HPCAL1: variants seen among roughly 807,000 people sequenced by gnomAD.
The protein encoded by HPCAL1 is hippocalcin like 1, also known as hippocalcin-like protein 1.
HPCAL1 carries 8 observed loss-of-function variants against 17.1 expected under a neutral mutation model. The ratio of observed to expected loss-of-function variants is 0.47; its 90% CI spans 0.27 to 0.84. The LOEUF (loss-of-function observed/expected upper bound fraction) is 0.84. Among genes scored for constraint, HPCAL1 ranks in the 40% least tolerant of loss-of-function variants. The probability of loss-of-function intolerance (pLI) is 0.13; values close to 1 mark genes in which losing one functional copy is unlikely to be tolerated. For missense variants in HPCAL1, 165 were observed against 271.1 expected, an observed-to-expected ratio of 0.61 and a Z score of 2.75; for synonymous variants, 112 against 111.4, an observed-to-expected ratio of 1.01 and a Z score of -0.03.
chr2:10,353,921 G>A (rs1314069897), intron 1 of HPCAL1, among the ~76,000 whole-genome samples: 1 of 152,190 alleles, frequency 6.6e-6, no homozygotes, highest in Non-Finnish European at 1.5e-5. Context: ...GTGTCCGGCT[G>A]CCCTCATGCA....
chr2:10,333,818 AT>A (rs1454541686), intron 1 of HPCAL1, among the ~76,000 whole-genome samples: 3 of 152,204 alleles, frequency 2.0e-5, no homozygotes, highest in Non-Finnish European at 2.9e-5. Flanking sequence ...AGAAGTGTGC[AT>A]AAAGTCTAGA....
chr2:10,416,069 G>T (rs895634470), intron 2 of HPCAL1, among the ~76,000 whole-genome samples: 1 of 152,196 alleles, frequency 6.6e-6, no homozygotes, highest in Admixed American at 6.5e-5. Flanking sequence ...ACGCAAGGCT[G>T]GTCCTTCACA....
intron 1 of HPCAL1, among the ~76,000 whole-genome samples, chr2:10,349,533 C>T (rs1028156134): frequency 1.3e-5 from 2 of 151,336 alleles, no homozygotes; most frequent in African/African-American, 4.9e-5. Context: ...GAAACCCTGT[C>T]TCTACTAAAT....
intron 1 of HPCAL1, among the ~76,000 whole-genome samples, chr2:10,341,602 A>G (rs1382142971): frequency 6.6e-6 from 1 of 152,104 alleles, no homozygotes; most frequent in African/African-American, 2.4e-5. Flanking sequence ...CCTCAACACA[A>G]GAAAGCTGCT....
intron 1 of HPCAL1, among the ~76,000 whole-genome samples, chr2:10,336,327 A>G (rs61522547): frequency 0.06 from 9,073 of 152,266 alleles, 745 homozygotes; most frequent in African/African-American, 0.18. Context: ...TTTTCACTCT[A>G]GAGACTAATC....
rs945490864 is a variant in HPCAL1 at position 10,365,943 on chromosome 2, C to A, written c.-110-30892C>A. ...ATACGTGATATAGACCAGGGATGCA[C>A]GCCTCATGAGGAGACGCTCACTCCC... On this transcript the variant is annotated intron_variant, in intron 1 of 4. Coordinates refer to ENST00000307845, the MANE Select transcript of HPCAL1 (RefSeq NM_002149.4). This position sits in a 1 kb window ranked among gnomAD's most constrained non-coding sequence, Gnocchi z 4.8. 9.2e-5 allele frequency among the ~76,000 whole-genome samples: 14 copies of A among 152,316 alleles called. No individual in the cohort carries two copies. Among genetic ancestry groups the A allele is most frequent in the Middle Eastern group, 6.8e-3 (2 of 294 alleles).
At chr2:10,364,794 AGGCTGGTCT>A (rs1472453776) in intron 1 of HPCAL1, among the ~76,000 whole-genome samples, 1 of 152,138 alleles carries the variant, frequency 6.6e-6, no homozygotes, top group Non-Finnish European at 1.5e-5. Flanking sequence ...CATGTTGCCC[AGGCTGGTCT>A]TGAACTCCTG....
intron 2 of HPCAL1, among the ~76,000 whole-genome samples, chr2:10,412,375 G>T (rs1670410590): frequency 1.3e-5 from 2 of 152,228 alleles, no homozygotes. Context: ...GCAGGCTGTG[G>T]TTCAGATGAG....
rs1234482711 is a variant in HPCAL1, at chr2:10,342,556, C to T, written c.-111+39379C>T. ...GGAGCGGGGCTTGTGCTGGACTTTG[C>T]AGGATGCCAGACTTTTGGCAGGGGA... On this transcript the variant is annotated intron_variant, in intron 1 of 4. Transcript: ENST00000307845. The surrounding 1 kb of genome is among the most constrained non-coding windows in gnomAD (Gnocchi z 4.1). 6.6e-6 allele frequency among the ~76,000 whole-genome samples: 1 copy of T among 152,206 alleles called. No homozygotes were observed. The highest frequency in any genetic ancestry group is 2.4e-5 in the African/African-American group (1 of 41,468).
chr2:10,346,204 G>C (rs567261806), intron 1 of HPCAL1, among the ~76,000 whole-genome samples: 9 of 151,464 alleles, frequency 5.9e-5, no homozygotes, highest in African/African-American at 1.7e-4. Context: ...CCTTCTTTGA[G>C]GGGGGGTGAC....
At chr2:10,348,535 G>C (rs139694290) in intron 1 of HPCAL1, among the ~76,000 whole-genome samples, 56 of 152,152 alleles carry the variant, frequency 3.7e-4, no homozygotes, top group South Asian at 2.9e-3. Flanking sequence ...AGACCAAGGT[G>C]GGGGGATCGC....
chr2:10,407,627 G>A (rs938166786), intron 2 of HPCAL1, among the ~76,000 whole-genome samples: 4 of 152,194 alleles, frequency 2.6e-5, no homozygotes, highest in African/African-American at 9.7e-5. Context: ...AGAGGGTGAG[G>A]GTGGATGCTC....
At chr2:10,306,991 C>T (rs1001027511) in intron 1 of HPCAL1, among the ~76,000 whole-genome samples, 8 of 152,158 alleles carry the variant, frequency 5.3e-5, no homozygotes, top group African/African-American at 1.7e-4. Context: ...GCAAGTGCAC[C>T]CTGAATGCTT....
chr2:10,389,813 G>A (rs1044851991), intron 1 of HPCAL1, among the ~76,000 whole-genome samples: 1 of 152,210 alleles, frequency 6.6e-6, no homozygotes, highest in Admixed American at 6.5e-5. Context: ...AGTTTCCAGG[G>A]TGGGGCTGGG....
At chr2:10,425,136 C>T (rs750079191) in intron 4 of HPCAL1, 14 of 157,412 alleles carry the variant, frequency 8.9e-5, no homozygotes, top group African/African-American at 1.9e-4. Context: ...TGCTCTCTCT[C>T]GGCCTGAGAC....
At chr2:10,307,549 C>T (rs190136439) in intron 1 of HPCAL1, among the ~76,000 whole-genome samples, 32 of 152,296 alleles carry the variant, frequency 2.1e-4, no homozygotes, top group African/African-American at 7.0e-4. Context: ...AAAACAGAGC[C>T]GAGGACACAT....
At chr2:10,340,675 ACT>A (rs994361444) in intron 1 of HPCAL1, among the ~76,000 whole-genome samples, 3 of 152,186 alleles carry the variant, frequency 2.0e-5, no homozygotes, top group African/African-American at 7.2e-5. Flanking sequence ...TTGCTTTCAA[ACT>A]CTCACTTCAG....
chr2:10,375,122 G>A (rs1418674489), intron 1 of HPCAL1, among the ~76,000 whole-genome samples: 1 of 152,128 alleles, frequency 6.6e-6, no homozygotes, highest in East Asian at 1.9e-4. Context: ...GGAAGGGGAG[G>A]AAAGCATTTC....
At chr2:10,416,420 T>C (rs1238233371) in intron 2 of HPCAL1, among the ~76,000 whole-genome samples, 1 of 152,150 alleles carries the variant, frequency 6.6e-6, no homozygotes, top group African/African-American at 2.4e-5. Context: ...AGTCCAGAGC[T>C]CACCTGGGTG....
Sources: allele counts gnomAD v4.1 joint callset (sites outside exome capture counted in the v4.1 genomes callset), GRCh38; gene constraint gnomAD v4.1.1; non-coding constraint Gnocchi (gnomAD v3.1); transcripts MANE v1.5; gene names NCBI Gene and HGNC (gene_info 2026-07-23, HGNC 2026-07-21).